MYO16: variants seen among roughly 807,000 people sequenced by gnomAD.
MYO16 encodes myosin XVI, also known as unconventional myosin-XVI.
A neutral mutation model predicts 205.3 loss-of-function variants in MYO16; 94 were observed. That is an observed-to-expected ratio of 0.46 (90% CI 0.39 to 0.54). The LOEUF (loss-of-function observed/expected upper bound fraction) is 0.54. Among genes scored for constraint, MYO16 ranks in the 20% least tolerant of loss-of-function variants. The pLI is 0.00. For missense variants in MYO16, 2,315 were observed against 2,387.5 expected (o/e 0.97, Z 0.63); for synonymous variants, 988 against 954.0 (o/e 1.04, Z -0.66).
intron 7 of MYO16, among the ~76,000 whole-genome samples, chr13:108,814,211 C>T (rs528718181): frequency 5.9e-5 from 9 of 152,232 alleles, no homozygotes; most frequent in East Asian, 1.9e-4. Context: ...TTTAGTAATG[C>T]AACATAATTA....
At chr13:108,779,639 T>C (rs960350528) in intron 4 of MYO16, 2 of 152,116 alleles carry the variant, frequency 1.3e-5, no homozygotes, top group African/African-American at 2.4e-5. Flanking sequence ...CTAATATAAA[T>C]GGGTGGGCCA....
chr13:108,782,472 A>G (rs945591486), intron 4 of MYO16, among the ~76,000 whole-genome samples: 1 of 152,228 alleles, frequency 6.6e-6, no homozygotes, highest in Non-Finnish European at 1.5e-5. Context: ...AAAAGTTCAG[A>G]AAATTTGCAG....
At chr13:108,696,287 G>T (rs1013564605) in intron 2 of MYO16, among the ~76,000 whole-genome samples, 1 of 152,154 alleles carries the variant, frequency 6.6e-6, no homozygotes, top group South Asian at 2.1e-4. Context: ...GTGCAAGAAT[G>T]TTAATAGCAG....
intron 1 of MYO16, among the ~76,000 whole-genome samples, chr13:108,631,120 A>G (rs1339886528): frequency 6.6e-6 from 1 of 152,246 alleles, no homozygotes; most frequent in African/African-American, 2.4e-5. Flanking sequence ...AGAAATAGAC[A>G]CAGGGCAATA....
chr13:109,048,575 G>C, intron 24 of MYO16: 1 of 380,774 alleles, frequency 2.6e-6, no homozygotes, highest in Admixed American at 4.4e-5. Flanking sequence ...AAAACAGGCA[G>C]TGGGCCATGT....
At chr13:108,786,508 A>G (rs1332912418) in intron 5 of MYO16, among the ~76,000 whole-genome samples, 4 of 152,230 alleles carry the variant, frequency 2.6e-5, no homozygotes, top group African/African-American at 9.6e-5. Context: ...AGAAAAGTTT[A>G]CAGTTTTTAA....
intron 16 of MYO16, among the ~76,000 whole-genome samples, chr13:108,941,000 T>A (rs1374816602): frequency 1.3e-5 from 2 of 152,220 alleles, no homozygotes; most frequent in Non-Finnish European, 2.9e-5. Flanking sequence ...AATATGTTAA[T>A]TTTTAATTAA....
chr13:108,944,853 G>C (rs1050171196), intron 16 of MYO16, among the ~76,000 whole-genome samples: 4 of 152,206 alleles, frequency 2.6e-5, no homozygotes, highest in African/African-American at 7.2e-5. Flanking sequence ...CAACTGTAGA[G>C]TTATTTTCTA....
At chr13:108,795,409 C>T (rs997648193) in intron 6 of MYO16, among the ~76,000 whole-genome samples, 12 of 152,018 alleles carry the variant, frequency 7.9e-5, no homozygotes, top group Non-Finnish European at 1.3e-4. Context: ...GGGGTTTCAC[C>T]ATGTTAGCCA....
At chr13:108,725,947 T>C (rs1220642777) in intron 3 of MYO16, among the ~76,000 whole-genome samples, 3 of 152,132 alleles carry the variant, frequency 2.0e-5, no homozygotes, top group Admixed American at 2.0e-4. Flanking sequence ...AGAGGTCATA[T>C]ATTTTGTTTT....
chr13:109,019,038 G>A (rs1401448326), intron 22 of MYO16, among the ~76,000 whole-genome samples: 1 of 149,798 alleles, frequency 6.7e-6, no homozygotes, highest in African/African-American at 2.5e-5. Flanking sequence ...GCATGATCGT[G>A]GCTCACTGCA....
chr13:108,623,418 C>A (rs1460230473), intron 1 of MYO16, among the ~76,000 whole-genome samples: 3 of 152,112 alleles, frequency 2.0e-5, no homozygotes, highest in African/African-American at 7.2e-5. Context: ...AGAAAATTAG[C>A]AACAAGGGAA....
chr13:109,055,004 CTTTCT>C lies in MYO16; in HGVS notation c.3049-36_3049-32del. ...CTCCTTCTTCCTTTCCTTTCCTTTC[CTTTCT>C]TTTCTCCTGTCCTTCTTGTCTTTCT... On this transcript the variant is annotated intron_variant, in intron 25 of 34. Transcript: ENST00000457511. The surrounding 1 kb of genome is among the most constrained non-coding windows in gnomAD (Gnocchi z 5.0). The C allele has an allele frequency of 2.4e-6, 3 of 1,271,282 alleles. No homozygotes were observed. The highest frequency in any genetic ancestry group is 3.3e-6 in the Non-Finnish European group (3 of 916,884). 78.8% of individuals were successfully genotyped at this position (1,271,282 alleles called of 1,614,324 possible).
At chr13:108,848,577 G>A (rs892293321) in intron 10 of MYO16, among the ~76,000 whole-genome samples, 2 of 152,148 alleles carry the variant, frequency 1.3e-5, no homozygotes, top group Admixed American at 6.5e-5. Context: ...AAGGTGGGAG[G>A]ATTGCTTGAG....
chr13:108,647,387 C>G (rs190580094), intron 1 of MYO16, among the ~76,000 whole-genome samples: 1,706 of 152,234 alleles, frequency 0.011, 18 homozygotes, highest in Non-Finnish European at 0.014. Flanking sequence ...TTTTGTAATG[C>G]TGTTTGCAAA....
chr13:108,910,033 C>G lies in MYO16; in HGVS notation c.1808C>G (p.Ser603Cys). ...ATTTATACATATTTGCTAGAGAAAT[C>G]CAGACTTGTTTCACAACCTCTTGGC... The part of the protein sequence containing the change: ...ARIYTYLLEK[S>C]RLVSQPLGQS... Residue 603 changes from serine (S) to cysteine (C), a missense_variant, in exon 16 of 35, where the codon TCC (serine) becomes TGC (cysteine). Physicochemically the swap from Ser to Cys is moderately radical, Grantham distance 112. This residue lies in a region of MYO16 where 1,213 missense variants were observed against 1,274.4 expected (regional missense o/e 0.95). Transcript: ENST00000457511. 1 of 1,613,334 alleles carries G rather than the reference C, an allele frequency of 6.2e-7. No individual in the cohort carries two copies.
intron 7 of MYO16, among the ~76,000 whole-genome samples, chr13:108,811,773 A>T (rs375129069): frequency 4.6e-5 from 7 of 152,018 alleles, no homozygotes; most frequent in African/African-American, 1.7e-4. Context: ...CTCTCCCCTC[A>T]TCCAGGACAC....
chr13:108,906,538 C>G (rs909346811), intron 15 of MYO16, among the ~76,000 whole-genome samples: 2 of 152,130 alleles, frequency 1.3e-5, no homozygotes, highest in African/African-American at 4.8e-5. Flanking sequence ...GAATTATATA[C>G]TTAGCAGGAC....
At chr13:109,101,251 T>G in intron 28 of MYO16, 1 of 185,734 alleles carries the variant, frequency 5.4e-6, no homozygotes, top group South Asian at 1.1e-4. Context: ...GATTTCTTTG[T>G]GCAGAGTTGG....
Sources: allele counts gnomAD v4.1 joint callset (sites outside exome capture counted in the v4.1 genomes callset), GRCh38; gene constraint gnomAD v4.1.1; regional missense constraint gnomAD v4.1.1; non-coding constraint Gnocchi (gnomAD v3.1); transcripts MANE v1.5; gene names NCBI Gene and HGNC (gene_info 2026-07-23, HGNC 2026-07-21).